SPOCK1: variants seen among roughly 807,000 people sequenced by gnomAD.
SPOCK1 encodes SPARC (osteonectin), cwcv and kazal like domains proteoglycan 1.
A neutral mutation model predicts 55.3 loss-of-function variants in SPOCK1; 23 were observed. The ratio of observed to expected loss-of-function variants is 0.42; its 90% confidence interval spans 0.30 to 0.59. SPOCK1 has a LOEUF of 0.59. Among genes scored for constraint, SPOCK1 ranks in the 20% least tolerant of loss-of-function variants. SPOCK1 has a pLI of 0.22. For synonymous variants in SPOCK1, 226 were observed against 221.0 expected (o/e 1.02, Z -0.20); for missense variants, 499 against 552.5 (o/e 0.90, Z 0.97).
chr5:137,494,630 G>A (rs1376225433), intron 2 of SPOCK1, among the ~76,000 whole-genome samples: 1 of 152,148 alleles, frequency 6.6e-6, no homozygotes, highest in African/African-American at 2.4e-5. Context: ...ACTGTATTAT[G>A]TTTCTAGAAA....
intron 6 of SPOCK1, among the ~76,000 whole-genome samples, chr5:137,051,588 A>G (rs1752209401): frequency 6.6e-6 from 1 of 152,220 alleles, no homozygotes; most frequent in Non-Finnish European, 1.5e-5. Flanking sequence ...AAACCTCAAA[A>G]TCTTAGTTCA....
chr5:137,387,589 A>G (rs541411479), intron 2 of SPOCK1, among the ~76,000 whole-genome samples: 2 of 152,356 alleles, frequency 1.3e-5, no homozygotes, highest in Admixed American at 1.3e-4. Context: ...GGGCAGTGAA[A>G]CTAGTCTGTA....
At chr5:137,374,943 A>G (rs1315971118) in intron 2 of SPOCK1, among the ~76,000 whole-genome samples, 2 of 152,154 alleles carry the variant, frequency 1.3e-5, no homozygotes, top group African/African-American at 4.8e-5. Context: ...TGGCCATCCT[A>G]TAGGGATAAG....
chr5:137,426,646 A>G (rs1363156609), intron 2 of SPOCK1, among the ~76,000 whole-genome samples: 3 of 152,152 alleles, frequency 2.0e-5, no homozygotes, highest in African/African-American at 7.2e-5. Context: ...CAAACATCAT[A>G]TACCTATAGG....
At chr5:137,405,482 C>T (rs572315806) in intron 2 of SPOCK1, among the ~76,000 whole-genome samples, 8 of 152,232 alleles carry the variant, frequency 5.3e-5, no homozygotes, top group East Asian at 1.9e-4. Flanking sequence ...GGTCCTCCTG[C>T]GGGTAGCCCA....
At chr5:137,338,979 T>C (rs1750354529) in intron 2 of SPOCK1, among the ~76,000 whole-genome samples, 1 of 152,184 alleles carries the variant, frequency 6.6e-6, no homozygotes, top group South Asian at 2.1e-4. Flanking sequence ...ATGGTAACTA[T>C]AATATTGCCA....
chr5:137,206,872 G>T (rs955443873), intron 3 of SPOCK1, among the ~76,000 whole-genome samples: 1 of 152,146 alleles, frequency 6.6e-6, no homozygotes, highest in Non-Finnish European at 1.5e-5. Context: ...TTACAGTCAA[G>T]GAAACTGAGA....
At chr5:137,489,059 T>C (rs1485155918) in intron 2 of SPOCK1, among the ~76,000 whole-genome samples, 1 of 152,178 alleles carries the variant, frequency 6.6e-6, no homozygotes, top group Non-Finnish European at 1.5e-5. Context: ...TCCCCAATAA[T>C]TCACATCACC....
chr5:137,443,338 C>T (rs965696419), intron 2 of SPOCK1, among the ~76,000 whole-genome samples: 8 of 152,158 alleles, frequency 5.3e-5, no homozygotes, highest in African/African-American at 1.7e-4. Context: ...TTCTTTGGTC[C>T]TTCTCAGTGT....
chr5:137,329,808 A>G (rs1008080102), intron 2 of SPOCK1, among the ~76,000 whole-genome samples: 3 of 152,218 alleles, frequency 2.0e-5, no homozygotes, highest in African/African-American at 7.2e-5. Context: ...CACTCAGCAT[A>G]TCACCCACAG....
intron 6 of SPOCK1, among the ~76,000 whole-genome samples, chr5:137,017,592 A>C (rs1289880585): frequency 6.6e-6 from 1 of 152,216 alleles, no homozygotes; most frequent in African/African-American, 2.4e-5. Context: ...TGAATGTCTT[A>C]AAGGACATCA....
intron 2 of SPOCK1, among the ~76,000 whole-genome samples, chr5:137,462,104 G>A (rs189241053): frequency 3.6e-4 from 55 of 152,360 alleles, no homozygotes; most frequent in African/African-American, 1.2e-3. Context: ...TTAAGCGAGA[G>A]GAAGTGGGAA....
At chr5:137,146,251 T>A (rs1368945253) in intron 3 of SPOCK1, among the ~76,000 whole-genome samples, 1 of 151,100 alleles carries the variant, frequency 6.6e-6, no homozygotes, top group African/African-American at 2.4e-5. Flanking sequence ...CCTTCCTCCC[T>A]CTCCCCAGGA....
intron 4 of SPOCK1, among the ~76,000 whole-genome samples, chr5:137,129,131 T>C (rs940405253): frequency 1.3e-5 from 2 of 152,216 alleles, no homozygotes; most frequent in Non-Finnish European, 2.9e-5. Flanking sequence ...CTTCAGGGTG[T>C]TGCAGAATCT....
At position 137,147,958 on chromosome 5, in the gene SPOCK1, T is replaced by C. The variant is rs186099634; in HGVS notation, c.233-7264A>G. Among the ~76,000 whole-genome samples, 18 of 152,316 alleles carry C rather than the reference T, an allele frequency of 1.2e-4. No individual in the cohort carries two copies. The East Asian group carries it at 3.1e-3, about 26-fold the overall frequency. The stretch of plus-strand genomic sequence containing the variant: ...ACGGTAAAGTAACTTCCCAGCACCA[T>C]AAAGCCTTAATGGCAAAGCCAGTAC... On this transcript the variant is annotated intron_variant, in intron 3 of 10. Transcript: ENST00000394945.
At chr5:137,067,262 G>A (rs924142708) in intron 6 of SPOCK1, among the ~76,000 whole-genome samples, 1 of 152,156 alleles carries the variant, frequency 6.6e-6, no homozygotes, top group African/African-American at 2.4e-5. Flanking sequence ...GCTCTGTGCT[G>A]CCTTACAAGC....
intron 6 of SPOCK1, among the ~76,000 whole-genome samples, chr5:137,044,659 ATACTT>A (rs1015831100): frequency 2.6e-5 from 4 of 151,828 alleles, no homozygotes; most frequent in South Asian, 2.1e-4. Context: ...TTTTATTATT[ATACTT>A]TAAGTTTTAG....
intron 2 of SPOCK1, among the ~76,000 whole-genome samples, chr5:137,308,639 G>A (rs1361191365): frequency 6.6e-6 from 1 of 152,168 alleles, no homozygotes; most frequent in African/African-American, 2.4e-5. Flanking sequence ...CCCAGGGGTG[G>A]TAGCAATTTC....
intron 2 of SPOCK1, among the ~76,000 whole-genome samples, chr5:137,328,899 A>G (rs1758123324): frequency 6.6e-6 from 1 of 152,212 alleles, no homozygotes; most frequent in East Asian, 1.9e-4. Context: ...TGGAAATGGT[A>G]TATAAAGTCA....
Sources: gnomAD v4.1 joint callset for allele counts (sites outside exome capture counted in the v4.1 genomes callset) on GRCh38, gnomAD v4.1.1 for gene constraint, MANE v1.5 for transcripts, NCBI Gene and HGNC (gene_info 2026-07-23, HGNC 2026-07-21) for gene names.